The following COL6A6 variants were observed in gnomAD, a reference collection of about 807,000 sequenced individuals.
The protein encoded by COL6A6 is collagen type VI alpha 6 chain.
A neutral mutation model predicts 208.6 loss-of-function variants in COL6A6; 183 were observed. The ratio of observed to expected loss-of-function variants is 0.88; its 90% CI spans 0.78 to 0.99. COL6A6 has a LOEUF of 0.99. Among genes scored for constraint, COL6A6 ranks in the 50% least tolerant of loss-of-function variants. The pLI is 0.00. For synonymous variants in COL6A6, 973 were observed against 1,011.8 expected (o/e 0.96, Z 0.73); for missense variants, 2,816 against 2,815.2 (o/e 1.00, Z -0.01).
chr3:130,589,448 A>G (rs1466263681), intron 12 of COL6A6, among the ~76,000 whole-genome samples: 1 of 152,350 alleles, frequency 6.6e-6, no homozygotes, highest in Non-Finnish European at 1.5e-5. Context: ...ACTGATGACA[A>G]TGATGCAGAA....
At chr3:130,522,874 C>T (rs1407050983) in intron 1 of COL6A6, among the ~76,000 whole-genome samples, 3 of 151,484 alleles carry the variant, frequency 2.0e-5, no homozygotes, top group South Asian at 4.2e-4. Context: ...TCCAAAACAC[C>T]GTCATCTATT....
chr3:130,531,451 A>C (rs931063490), intron 1 of COL6A6, among the ~76,000 whole-genome samples: 3 of 152,154 alleles, frequency 2.0e-5, no homozygotes, highest in African/African-American at 7.2e-5. Flanking sequence ...AAAATGTATG[A>C]GCTCTTCCCC....
rs2063033116 is a variant in COL6A6 at position 130,566,727 on chromosome 3, C to A, written c.1308C>A (p.Asp436Glu). ...GTTGTGTGGACACTGAGGAAGCAGA[C>A]ATCTATCTGCTTATCGATGGCTCAG... is the stretch of plus-strand genomic sequence containing the variant. ...KSGCVDTEEA[D>E]IYLLIDGSGS... is the part of the protein sequence containing the mutation. Residue 436 changes from aspartate to glutamate, a missense_variant, in exon 5 of 37, where the codon GAC becomes GAA. Coordinates refer to ENST00000358511, the MANE Select transcript of COL6A6 (RefSeq NM_001102608.3). 1.2e-6 allele frequency: 2 copies of A among 1,610,774 alleles called. No individual in the cohort carries two copies. The highest frequency in any genetic ancestry group is 1.7e-6 in the Non-Finnish European group (2 of 1,178,088).
intron 36 of COL6A6, among the ~76,000 whole-genome samples, chr3:130,673,178 C>CA (rs369915283): frequency 0.25 from 11,702 of 47,252 alleles, 893 homozygotes; most frequent in Admixed American, 0.4. Context: ...GACTCTATCT[C>CA]AAAAAAAAAA....
At chr3:130,647,598 T>C (rs961173145) in intron 32 of COL6A6, among the ~76,000 whole-genome samples, 26 of 152,354 alleles carry the variant, frequency 1.7e-4, no homozygotes, top group Non-Finnish European at 1.5e-5. Context: ...CTGGTACTTC[T>C]TTTGCCTTTG....
chr3:130,586,471 A>G (rs181177836), intron 10 of COL6A6, 35 bp from the exon 11 acceptor site: 1 of 1,571,122 alleles, frequency 6.4e-7, no homozygotes, highest in South Asian at 1.2e-5. Flanking sequence ...AACCAAACCC[A>G]CCTCACCTGG....
chr3:130,594,379 G>C, intron 18 of COL6A6, 36 bp downstream of exon 18: 1 of 1,550,318 alleles, frequency 6.5e-7, no homozygotes, highest in Non-Finnish European at 8.9e-7. Flanking sequence ...GTTAGGGCTT[G>C]ATTCCCATCC....
intron 36 of COL6A6, among the ~76,000 whole-genome samples, chr3:130,673,191 C>CA (rs1177930383): frequency 9.6e-5 from 6 of 62,394 alleles, no homozygotes; most frequent in African/African-American, 2.0e-4. Context: ...AAAAAAAAAA[C>CA]AAAAAAACAA....
rs1577578373 is a variant in COL6A6 at position 130,519,364 on chromosome 3, C to A, written c.-32+1967C>A. On this transcript the variant is annotated intron_variant, in intron 1 of 36. Coordinates refer to ENST00000358511, the MANE Select transcript of COL6A6 (RefSeq NM_001102608.3). ...AAAAATATGGGTTTGTGAGCTAGAC[C>A]CCCTGCAAATATATAAAAGTGATCC... Among the ~76,000 whole-genome samples, 5 of 152,156 alleles carry A rather than the reference C, an allele frequency of 3.3e-5. No individual in the cohort carries two copies. In the South Asian group the frequency reaches 1.0e-3, roughly 32 times the overall value.
In COL6A6 at chr3:130,567,196, G is replaced by C. The variant is rs140980196; in HGVS notation, c.1777G>C (p.Val593Leu). 6.2e-7 allele frequency: 1 copy of C among 1,613,392 alleles called. No homozygotes were observed. Among genetic ancestry groups the C allele is most frequent in the Non-Finnish European group, 8.5e-7 (1 of 1,179,860 alleles). ...IAGEEKRVYY[V>L]HDFDALKDIR... ...AGGAGAGGAAAAGAGAGTGTATTAC[G>C]TGCATGACTTTGATGCATTGAAAGA... Residue 593 changes from valine (V) to leucine (L), a missense_variant, in exon 5 of 37, where the codon GTG (valine) becomes CTG (leucine). By Grantham distance (32) the Val-to-Leu change is conservative. Coordinates refer to ENST00000358511, the MANE Select transcript of COL6A6 (RefSeq NM_001102608.3).
chr3:130,610,781 TA>T, intron 23 of COL6A6, 70 bp downstream of exon 23: 5 of 1,159,442 alleles, frequency 4.3e-6, no homozygotes, highest in Non-Finnish European at 6.3e-6. Context: ...GTTTCTTCCA[TA>T]CAGGTGGAGT....
intron 23 of COL6A6, among the ~76,000 whole-genome samples, chr3:130,616,508 C>T (rs181958661): frequency 1.3e-5 from 2 of 149,768 alleles, no homozygotes; most frequent in East Asian, 2.0e-4. Context: ...CTTCATTCCC[C>T]CTTTGGTTTA....
At chr3:130,667,527 C>T (rs930056503) in intron 36 of COL6A6, among the ~76,000 whole-genome samples, 1 of 152,162 alleles carries the variant, frequency 6.6e-6, no homozygotes, top group Non-Finnish European at 1.5e-5. Flanking sequence ...GCGTGAGCCA[C>T]CGAACCTGGC....
intron 31 of COL6A6, among the ~76,000 whole-genome samples, chr3:130,644,378 G>C (rs1388124089): frequency 6.6e-6 from 1 of 152,186 alleles, no homozygotes; most frequent in Non-Finnish European, 1.5e-5. Context: ...AATGTGGCTA[G>C]TGCAACTGAG....
chr3:130,626,483 A>T lies in COL6A6; in HGVS notation c.4879-2A>T, dbSNP rs1210608672. On this transcript the variant is annotated splice_acceptor_variant, in intron 24 of 36. Transcript: ENST00000358511. LOFTEE classifies it high-confidence loss of function. ...CCTAAAAACAATCTTTCTGTTTAAC[A>T]GGGAGAACCTGGAGATCTGGGAGAA... is the stretch of plus-strand genomic sequence containing the variant. The T allele has an allele frequency of 4.3e-6, 7 of 1,609,978 alleles. No individual in the cohort carries two copies. The highest frequency in any genetic ancestry group is 1.7e-5 in the Admixed American group (1 of 60,012).
chr3:130,556,213 T>C (rs1259422053), intron 1 of COL6A6, among the ~76,000 whole-genome samples: 2 of 152,202 alleles, frequency 1.3e-5, no homozygotes, highest in South Asian at 2.1e-4. Flanking sequence ...AAAGGCATGA[T>C]TTTTATATAC....
At chr3:130,584,964 T>G (rs987680035) in intron 10 of COL6A6, among the ~76,000 whole-genome samples, 1 of 152,204 alleles carries the variant, frequency 6.6e-6, no homozygotes, top group African/African-American at 2.4e-5. Flanking sequence ...CTCTTGGAAC[T>G]TGAACCTCTC....
chr3:130,566,632 T>A, intron 4 of COL6A6, 70 bp from the exon 5 acceptor site: 5 of 1,312,018 alleles, frequency 3.8e-6, no homozygotes, highest in Non-Finnish European at 5.2e-6. Context: ...TTTGTTCTTC[T>A]TTCCATGTGC....
chr3:130,530,116 A>G (rs960484985), intron 1 of COL6A6, among the ~76,000 whole-genome samples: 5 of 152,202 alleles, frequency 3.3e-5, no homozygotes, highest in African/African-American at 1.2e-4. Flanking sequence ...TTCCAGTGTG[A>G]GGATCACAGG....
Sources: allele counts gnomAD v4.1 joint callset (sites outside exome capture counted in the v4.1 genomes callset), GRCh38; gene constraint gnomAD v4.1.1; transcripts MANE v1.5; gene names NCBI Gene and HGNC (gene_info 2026-07-23, HGNC 2026-07-21).